Variants in PDE3A observed in about 807,000 individuals in gnomAD.
The protein encoded by PDE3A is phosphodiesterase 3A, also known as cGMP-inhibited 3',5'-cyclic phosphodiesterase 3A.
Under a neutral mutation model 98.3 loss-of-function variants are expected in PDE3A, and 43 were observed. The ratio of observed to expected loss-of-function variants is 0.44; its 90% confidence interval spans 0.34 to 0.56. The LOEUF (loss-of-function observed/expected upper bound fraction) is 0.56, where lower values mean the gene tolerates loss of function less well. PDE3A is among the 20% of genes least tolerant of loss of function. The pLI is 0.01. For synonymous variants in PDE3A, 663 were observed against 567.9 expected (o/e 1.17, Z -2.38); for missense variants, 1,427 against 1,440.7 (o/e 0.99, Z 0.15).
intron 15 of PDE3A, among the ~76,000 whole-genome samples, chr12:20,658,360 T>C (rs543692149): frequency 1.6e-4 from 25 of 152,222 alleles, no homozygotes; most frequent in African/African-American, 5.8e-4. Context: ...ATTACTTACA[T>C]CCAGCCCAGG....
chr12:20,417,725 A>T (rs2120739406), intron 1 of PDE3A, among the ~76,000 whole-genome samples: 1 of 152,332 alleles, frequency 6.6e-6, no homozygotes, highest in African/African-American at 2.4e-5. Flanking sequence ...AATAGGTAAG[A>T]TTTATAAAAC....
In PDE3A at chr12:20,388,823, A is replaced by G. The variant is rs1471600829; in HGVS notation, c.960+18579A>G. Among the ~76,000 whole-genome samples the G allele has an allele frequency of 2.6e-5, 4 of 152,050 alleles. No homozygotes were observed. The East Asian group carries it at 7.7e-4, about 29-fold the overall frequency. On this transcript the variant is annotated intron_variant, in intron 1 of 15. Transcript: ENST00000359062. The stretch of plus-strand genomic sequence containing the variant: ...CCTGCGTAAGACTAAGGAACTTTAT[A>G]CATTTCCATTTGTTGTTGCTTGTTT...
chr12:20,414,065 C>T (rs1245317066), intron 1 of PDE3A, among the ~76,000 whole-genome samples: 4 of 152,132 alleles, frequency 2.6e-5, no homozygotes, highest in African/African-American at 4.8e-5. Flanking sequence ...ATGAGAAAAA[C>T]TGGCCAAAGA....
At chr12:20,386,807 T>C (rs181278451) in intron 1 of PDE3A, among the ~76,000 whole-genome samples, 26 of 152,298 alleles carry the variant, frequency 1.7e-4, no homozygotes, top group Admixed American at 1.4e-3. Flanking sequence ...TTTGCTTTTG[T>C]TGCAATTGCT....
At chr12:20,562,253 G>T (rs375180255) in intron 2 of PDE3A, among the ~76,000 whole-genome samples, 36 of 141,844 alleles carry the variant, frequency 2.5e-4, no homozygotes, top group African/African-American at 8.9e-4. Context: ...ACGGAGTCCG[G>T]CTCCGTGCCC....
chr12:20,646,065 C>A (rs1178963291), intron 10 of PDE3A, among the ~76,000 whole-genome samples: 1 of 151,988 alleles, frequency 6.6e-6, no homozygotes, highest in African/African-American at 2.4e-5. Context: ...TTTTTGAGTA[C>A]CATCTATCAG....
intron 1 of PDE3A, among the ~76,000 whole-genome samples, chr12:20,496,767 A>G (rs545795251): frequency 2.0e-5 from 3 of 152,196 alleles, no homozygotes; most frequent in African/African-American, 2.4e-5. Context: ...TCTATCTTTC[A>G]CGAATATGGG....
At chr12:20,664,416 G>T (rs962532029) in intron 15 of PDE3A, among the ~76,000 whole-genome samples, 1 of 152,160 alleles carries the variant, frequency 6.6e-6, no homozygotes, top group Admixed American at 6.5e-5. Context: ...TCTACCAGCT[G>T]CCTACTTTAC....
At chr12:20,415,253 A>G (rs1944403522) in intron 1 of PDE3A, among the ~76,000 whole-genome samples, 1 of 151,840 alleles carries the variant, frequency 6.6e-6, no homozygotes, top group South Asian at 2.1e-4. Flanking sequence ...CAGATAAAAC[A>G]TGTGTCTGAA....
At chr12:20,664,490 T>C (rs1172564956) in intron 15 of PDE3A, among the ~76,000 whole-genome samples, 2 of 152,288 alleles carry the variant, frequency 1.3e-5, no homozygotes, top group Middle Eastern at 3.4e-3. Flanking sequence ...TTTCTGCTGA[T>C]ATGGTTTTGC....
At chr12:20,498,020 G>A (rs777389125) in intron 1 of PDE3A, among the ~76,000 whole-genome samples, 2 of 152,124 alleles carry the variant, frequency 1.3e-5, no homozygotes, top group African/African-American at 2.4e-5. Flanking sequence ...GCAGAAACGT[G>A]TTATAGCAGA....
At chr12:20,624,894 C>A (rs777984661) in intron 5 of PDE3A, among the ~76,000 whole-genome samples, 1 of 152,038 alleles carries the variant, frequency 6.6e-6, no homozygotes. Flanking sequence ...TCCATAAACT[C>A]CATGGAAAGA....
intron 1 of PDE3A, among the ~76,000 whole-genome samples, chr12:20,371,820 T>C (rs923550134): frequency 2.6e-5 from 4 of 152,158 alleles, no homozygotes; most frequent in Non-Finnish European, 5.9e-5. Context: ...AAACTAACCA[T>C]TTTAATTTCT....
At chr12:20,630,826 G>A (rs1944361819) in intron 6 of PDE3A, among the ~76,000 whole-genome samples, 1 of 152,014 alleles carries the variant, frequency 6.6e-6, no homozygotes, top group African/African-American at 2.4e-5. Context: ...AAAGCATTAT[G>A]GTATTTTTTA....
At chr12:20,454,466 GTTGT>G (rs993707922) in intron 1 of PDE3A, among the ~76,000 whole-genome samples, 49 of 152,218 alleles carry the variant, frequency 3.2e-4, no homozygotes, top group African/African-American at 1.1e-3. Context: ...GGCTTTGTTT[GTTGT>G]TTGTTTATTT....
chr12:20,410,697 A>G (rs1944317002), intron 1 of PDE3A, among the ~76,000 whole-genome samples: 1 of 152,148 alleles, frequency 6.6e-6, no homozygotes, highest in Non-Finnish European at 1.5e-5. Flanking sequence ...TGTCTCCATA[A>G]TTTTTAAAAG....
intron 2 of PDE3A, among the ~76,000 whole-genome samples, chr12:20,608,587 TGAG>T (rs1163520498): frequency 1.3e-5 from 2 of 152,180 alleles, no homozygotes; most frequent in African/African-American, 4.8e-5. Context: ...CTTATAAAGA[TGAG>T]TTTTCAGTTT....
intron 1 of PDE3A, among the ~76,000 whole-genome samples, chr12:20,484,097 A>C (rs1945679964): frequency 6.6e-6 from 1 of 152,068 alleles, no homozygotes; most frequent in South Asian, 2.1e-4. Flanking sequence ...CTCCTTGTGT[A>C]TATATTGGAA....
chr12:20,656,898 C>T (rs1293708277), intron 15 of PDE3A, among the ~76,000 whole-genome samples: 1 of 152,166 alleles, frequency 6.6e-6, no homozygotes, highest in East Asian at 1.9e-4. Flanking sequence ...GCAGCAAATG[C>T]TACAACCACA....
Sources: gnomAD v4.1 joint callset for allele counts (sites outside exome capture counted in the v4.1 genomes callset) on GRCh38, gnomAD v4.1.1 for gene constraint, MANE v1.5 for transcripts, NCBI Gene and HGNC (gene_info 2026-07-23, HGNC 2026-07-21) for gene names.